PTK2: variants seen among roughly 807,000 people sequenced by gnomAD.
PTK2 encodes the protein protein tyrosine kinase 2.
In PTK2, 45 loss-of-function variants were observed where a neutral mutation model predicts 150.1. The ratio of observed to expected loss-of-function variants is 0.30; its 90% CI spans 0.24 to 0.38. The LOEUF (loss-of-function observed/expected upper bound fraction) is 0.38, where lower values mean the gene tolerates loss of function less well. Among genes scored for constraint, PTK2 ranks in the 10% least tolerant of loss-of-function variants. The pLI, the probability that PTK2 is intolerant of heterozygous loss-of-function variation, is 1.00. For missense variants in PTK2, 919 were observed against 1,307.3 expected, an observed-to-expected ratio of 0.70 and a Z score of 4.58; for synonymous variants, 432 against 449.2, an observed-to-expected ratio of 0.96 and a Z score of 0.48.
chr8:140,762,356 G>A lies in PTK2; in HGVS notation c.1235-1094C>T. ...GCAAGCAAATGCAGTTAATTTAAAG[G>A]AATCCTGTTACCTTCATCTATTCCA... On this transcript the variant is annotated intron_variant, in intron 15 of 31. Coordinates refer to ENST00000522684, the Ensembl canonical transcript of PTK2. 1 of 1,172,132 alleles carries A rather than the reference G, an allele frequency of 8.5e-7. No homozygotes were observed. The highest frequency in any genetic ancestry group is 8.0e-5 in the East Asian group (1 of 12,516). The allele number at this position is 1,172,132 out of a possible 1,614,324, so 72.6% of individuals were successfully genotyped here.
intron 22 of PTK2, 128 bp downstream of exon 25, chr8:140,735,123 G>A (rs1355810208): frequency 2.4e-6 from 2 of 823,604 alleles, no homozygotes; most frequent in East Asian, 2.7e-5. Context: ...AAAAGTAATT[G>A]CATTTGAACG....
chr8:140,688,280 G>A (rs1442946568), intron 26 of PTK2, among the ~76,000 whole-genome samples: 1 of 152,194 alleles, frequency 6.6e-6, no homozygotes, highest in Non-Finnish European at 1.5e-5. Context: ...GCCTGGCACA[G>A]TTCCTGGTTG....
Position 140,751,989 on chromosome 8 carries a change from T to C in PTK2, c.1417+243A>G, listed in dbSNP as rs778499230. On this transcript the variant is annotated intron_variant, in intron 17 of 31. Transcript: ENST00000522684. ...TCCAGTGCAAAGATGTGTAATGGCC[T>C]AAGTACCAAAGTATAAAGTAAATGC... 1.5e-5 allele frequency: 10 copies of C among 656,600 alleles called. No individual in the cohort carries two copies. The African/African-American group carries it at 1.8e-4, about 12-fold the overall frequency. 40.7% of individuals were successfully genotyped at this position (656,600 alleles called of 1,614,324 possible).
At chr8:140,758,167 T>C (rs958199742) in intron 16 of PTK2, among the ~76,000 whole-genome samples, 1 of 152,128 alleles carries the variant, frequency 6.6e-6, no homozygotes, top group Non-Finnish European at 1.5e-5. Context: ...ACAAGACTTA[T>C]TGCAGCCTTG....
At chr8:140,990,048 G>C (rs2100195111) in intron 1 of PTK2, among the ~76,000 whole-genome samples, 1 of 152,136 alleles carries the variant, frequency 6.6e-6, no homozygotes, top group African/African-American at 2.4e-5. Context: ...AAACAGTGCT[G>C]AAGTAACCAG....
intron 10 of PTK2, among the ~76,000 whole-genome samples, chr8:140,814,781 T>TA (rs1476849462): frequency 6.6e-6 from 1 of 151,738 alleles, no homozygotes; most frequent in Non-Finnish European, 1.5e-5. Flanking sequence ...TTGTTCTTTT[T>TA]TTTTTTTTTT....
chr8:140,980,983 A>C (rs141490494), intron 1 of PTK2, among the ~76,000 whole-genome samples: 4 of 53,688 alleles, frequency 7.5e-5, no homozygotes, highest in Admixed American at 5.0e-4. Flanking sequence ...GCTGGTCTCG[A>C]ACTCTTCACC....
At chr8:140,679,001 A>AT in intron 27 of PTK2, among the ~76,000 whole-genome samples, 1 of 79,150 alleles carries the variant, frequency 1.3e-5, no homozygotes, top group East Asian at 4.4e-4. Flanking sequence ...AGTGCTCCCC[A>AT]TGTTTTTTTT....
chr8:140,764,411 AACAC>A, intron 14 of PTK2, 121 bp from the exon 17 acceptor site: 1 of 753,366 alleles, frequency 1.3e-6, no homozygotes, highest in Non-Finnish European at 2.2e-6. Flanking sequence ...ATATTCTTAA[AACAC>A]TATTACTCAA....
chr8:140,929,098 TG>T (rs1017976373), intron 1 of PTK2, among the ~76,000 whole-genome samples: 2 of 147,568 alleles, frequency 1.4e-5, no homozygotes, highest in African/African-American at 5.0e-5. Context: ...CCCAAGTAGC[TG>T]GGACTACAGG....
At chr8:140,706,051 G>A (rs1287792660) in intron 24 of PTK2, 68 bp downstream of exon 27, 37 of 1,279,444 alleles carry the variant, frequency 2.9e-5, no homozygotes, top group Middle Eastern at 1.9e-4. Context: ...TATGCACAAT[G>A]TACCGCTCTA....
At chr8:140,698,021 G>T (rs765960372) in intron 26 of PTK2, among the ~76,000 whole-genome samples, 1 of 151,644 alleles carries the variant, frequency 6.6e-6, no homozygotes, top group Non-Finnish European at 1.5e-5. Context: ...GTCATTACCC[G>T]CACTCTTCGC....
chr8:140,902,934 T>TTTTG (rs2100159209), intron 2 of PTK2, among the ~76,000 whole-genome samples: 1 of 134,196 alleles, frequency 7.5e-6, no homozygotes, highest in Non-Finnish European at 1.6e-5. Flanking sequence ...GTTTTTTTTT[T>TTTTG]TTTTTTTTTT....
intron 1 of PTK2, among the ~76,000 whole-genome samples, chr8:140,985,475 G>C (rs181616289): frequency 6.6e-6 from 1 of 152,216 alleles, no homozygotes; most frequent in Non-Finnish European, 1.5e-5. Flanking sequence ...CTTGATACTA[G>C]AAATCAAATT....
intron 2 of PTK2, among the ~76,000 whole-genome samples, chr8:140,925,290 G>A (rs1236850861): frequency 6.6e-6 from 1 of 152,030 alleles, no homozygotes; most frequent in African/African-American, 2.4e-5. Context: ...TTTTATGTTT[G>A]CATTAATCAG....
At chr8:140,787,851 A>G (rs2100085864) in intron 14 of PTK2, among the ~76,000 whole-genome samples, 1 of 152,198 alleles carries the variant, frequency 6.6e-6, no homozygotes, top group Non-Finnish European at 1.5e-5. Flanking sequence ...GACGGACCAA[A>G]GGGCCTGCGA....
chr8:140,873,512 C>T (rs1173221079), intron 4 of PTK2, among the ~76,000 whole-genome samples: 1 of 152,052 alleles, frequency 6.6e-6, no homozygotes, highest in African/African-American at 2.4e-5. Context: ...GTCGCCTAGG[C>T]TGGAGTGGAG....
At chr8:140,778,711 T>C (rs1038471112) in intron 14 of PTK2, among the ~76,000 whole-genome samples, 1 of 152,060 alleles carries the variant, frequency 6.6e-6, no homozygotes, top group East Asian at 1.9e-4. Context: ...AGGGCAGAGA[T>C]GATGGGGATG....
intron 5 of PTK2, among the ~76,000 whole-genome samples, chr8:140,863,493 T>C (rs2100137461): frequency 6.6e-6 from 1 of 152,226 alleles, no homozygotes; most frequent in South Asian, 2.1e-4. Flanking sequence ...CTCACCAAAA[T>C]GTTATGAACT....
Sources: gnomAD v4.1 joint callset for allele counts (sites outside exome capture counted in the v4.1 genomes callset) on GRCh38, gnomAD v4.1.1 for gene constraint, MANE v1.5 for transcripts, NCBI Gene and HGNC (gene_info 2026-07-23, HGNC 2026-07-21) for gene names.